The following SPEM2 variants were observed in gnomAD, a reference collection of about 807,000 sequenced individuals.
SPEM2 encodes the protein uncharacterized protein SPEM2.
A neutral mutation model predicts 9.3 loss-of-function variants in SPEM2; 15 were observed. The ratio of observed to expected loss-of-function variants is 1.62; its 90% confidence interval spans 1.08 to 2.50. SPEM2 has a LOEUF of 2.50. Ranked by LOEUF, SPEM2 falls within the 30% of genes most tolerant of loss-of-function variation. SPEM2 has a pLI of 0.00. For missense variants in SPEM2, 678 were observed against 690.0 expected (o/e 0.98, Z 0.19); for synonymous variants, 268 against 272.4 (o/e 0.98, Z 0.16).
Position 7,426,122 on chromosome 17 carries a change from C to A in SPEM2, c.197-66C>A, listed in dbSNP as rs1907585900. 2.5e-6 allele frequency: 4 copies of A among 1,613,544 alleles called. No individual in the cohort carries two copies. The highest frequency in any genetic ancestry group is 1.6e-4 in the Middle Eastern group (1 of 6,084). ...GACAATGGCCCTAGAAACCCAGGCCCCAGTGTTCCCAACCTTGAGCTCTTC... is the reference window on the plus strand; with the variant it reads ...GACAATGGCCCTAGAAACCCAGGCCACAGTGTTCCCAACCTTGAGCTCTTC... On this transcript the variant is annotated intron_variant, in intron 2 of 2. Coordinates refer to ENST00000333870, the MANE Select transcript of SPEM2 (RefSeq NM_175734.5). The surrounding 1 kb of genome is among the most constrained non-coding windows in gnomAD (Gnocchi z 5.3).
At position 7,425,989 on chromosome 17, in the gene SPEM2, C is replaced by G. The variant is rs918836507; in HGVS notation, c.139-4C>G. On this transcript the variant is annotated splice_polypyrimidine_tract_variant and splice_region_variant and intron_variant, in intron 1 of 2. Coordinates refer to ENST00000333870, the MANE Select transcript of SPEM2 (RefSeq NM_175734.5). ...GGCCTTCACTCTCTTCCACCCTGCC[C>G]CAGATGTGGCATGGACTCCAGAACG... 9 of 1,613,998 alleles carry G rather than the reference C, an allele frequency of 5.6e-6. No individual in the cohort carries two copies. In the African/African-American group the frequency reaches 1.2e-4, roughly 22 times the overall value.
In SPEM2 at chr17:7,426,464, TC is replaced by T. The variant is rs1907608580; in HGVS notation, c.475del (p.Arg159ValfsTer89). 1 of 1,613,802 alleles carries T rather than the reference TC, an allele frequency of 6.2e-7. No individual in the cohort carries two copies. Among genetic ancestry groups the T allele is most frequent in the Non-Finnish European group, 8.5e-7 (1 of 1,180,038 alleles). ...YRQIPHSHSV[F>X]RNPHRSQKMS... ...CAAATCCCCCATAGCCACTCAGTCT[TC>T]CGTAACCCACATCGCAGCCAAAAGA... On this transcript the variant is annotated frameshift_variant, in exon 3 of 3. Coordinates refer to ENST00000333870, the MANE Select transcript of SPEM2 (RefSeq NM_175734.5). LOFTEE classifies it low-confidence loss of function (END_TRUNC). This position sits in a 1 kb window ranked among gnomAD's most constrained non-coding sequence, Gnocchi z 5.3.
Position 7,426,415 on chromosome 17 carries a change from C to T in SPEM2, c.424C>T (p.Gln142Ter). ...RRCRRRCCNH[Q>*]QRPQNYRQIP... ...TTGTCGCCGTCGCTGCTGCAACCAC[C>T]AGCAGCGGCCGCAGAACTACAGACA... is the stretch of plus-strand genomic sequence containing the variant. The change falls in exon 3 of 3, where the codon CAG becomes TAG. Residue 142 changes from glutamine (Q) to a stop codon, truncating the protein, a stop_gained. Coordinates refer to ENST00000333870, the MANE Select transcript of SPEM2 (RefSeq NM_175734.5). LOFTEE classifies it low-confidence loss of function (END_TRUNC). The surrounding 1 kb of genome is among the most constrained non-coding windows in gnomAD (Gnocchi z 5.3). 6.2e-7 allele frequency: 1 copy of T among 1,613,730 alleles called. No homozygotes were observed. Among genetic ancestry groups the T allele is most frequent in the Non-Finnish European group, 8.5e-7 (1 of 1,180,026 alleles).
chr17:7,425,641 G>A lies in SPEM2; in HGVS notation c.-48G>A. 1.9e-6 allele frequency: 3 copies of A among 1,591,914 alleles called. No individual in the cohort carries two copies. The highest frequency in any genetic ancestry group is 4.5e-5 in the East Asian group (2 of 44,590). ...AGTGCAGTGTGGGTTGGGGCCGGGG[G>A]TGGGGGGCAGAGGGGGGTGGCCCAG... On this transcript the variant is annotated 5_prime_UTR_variant, in exon 1 of 3. In the 5' UTR this introduces an upstream ATG that the reference lacks. Transcript: ENST00000333870.
rs1907589963 is a variant in SPEM2, at chr17:7,426,222, T to C, written c.231T>C (p.Gly77=). 1 of 1,613,744 alleles carries C rather than the reference T, an allele frequency of 6.2e-7. No individual in the cohort carries two copies. Among genetic ancestry groups the C allele is most frequent in the African/African-American group, 1.3e-5 (1 of 74,944 alleles). Residue 77 remains glycine (G), a synonymous_variant, in exon 3 of 3, where the codon GGT becomes GGC. Coordinates refer to ENST00000333870, the MANE Select transcript of SPEM2 (RefSeq NM_175734.5). This position sits in a 1 kb window ranked among gnomAD's most constrained non-coding sequence, Gnocchi z 5.3. ...AGGCCAGTGAAAGTCCCCCAAGTGGTCCCCCAGACAAGGCTCAGGATGTCC... is the reference window on the plus strand; with the variant it reads ...AGGCCAGTGAAAGTCCCCCAAGTGGCCCCCCAGACAAGGCTCAGGATGTCC... ...EIQASESPPS[G]PPDKAQDVHI...
chr17:7,427,004 G>A lies in SPEM2; in HGVS notation c.1013G>A (p.Gly338Asp). 3 of 1,611,304 alleles carry A rather than the reference G, an allele frequency of 1.9e-6. No homozygotes were observed. The highest frequency in any genetic ancestry group is 2.5e-6 in the Non-Finnish European group (3 of 1,179,840). Residue 338 changes from glycine (G) to aspartate (D), a missense_variant, in exon 3 of 3, where the codon GGC becomes GAC. By Grantham distance (94) the Gly-to-Asp change is moderately conservative (BLOSUM62 -1). Coordinates refer to ENST00000333870, the MANE Select transcript of SPEM2 (RefSeq NM_175734.5). The surrounding 1 kb of genome is among the most constrained non-coding windows in gnomAD (Gnocchi z 5.4). ...CGGAACGCCCGGCCTGAGGCCCAGG[G>A]CTGCCGGGAGCACCACTCCCCACAG... ...VSRNARPEAQ[G>D]CREHHSPQSH... is the part of the protein sequence containing the mutation.
rs1459766254 is a variant in SPEM2 at position 7,427,219 on chromosome 17, G to A, written c.1228G>A (p.Ala410Thr). 7 of 1,614,082 alleles carry A rather than the reference G, an allele frequency of 4.3e-6. No individual in the cohort carries two copies. The African/African-American group carries it at 5.3e-5, about 12-fold the overall frequency. ...TGCCTCCCTCACGGTGTTGGACGAG[G>A]CCTCCCATCAACGGACCCCAGCTCC... ...TSASLTVLDE[A>T]SHQRTPAPSS... is the part of the protein sequence containing the mutation. The change falls in exon 3 of 3, where the codon GCC becomes ACC. Residue 410 changes from alanine (A) to threonine (T), a missense_variant. Coordinates refer to ENST00000333870, the MANE Select transcript of SPEM2 (RefSeq NM_175734.5). The surrounding 1 kb of genome is among the most constrained non-coding windows in gnomAD (Gnocchi z 5.4).
rs1469300945 is a variant in SPEM2 at position 7,426,670 on chromosome 17, G to A, written c.679G>A (p.Ala227Thr). 6.2e-7 allele frequency: 1 copy of A among 1,613,996 alleles called. No individual in the cohort carries two copies. The highest frequency in any genetic ancestry group is 1.1e-5 in the South Asian group (1 of 91,072). The change falls in exon 3 of 3, where the codon GCC becomes ACC. Residue 227 changes from alanine to threonine, a missense_variant. Coordinates refer to ENST00000333870, the MANE Select transcript of SPEM2 (RefSeq NM_175734.5). The surrounding 1 kb of genome is among the most constrained non-coding windows in gnomAD (Gnocchi z 5.3). ...GLWGHQGGIL[A>T]SLPPPSLYLS... Reference sequence around the variant, plus strand: ...GTGGGGCCACCAGGGTGGTATCCTGGCCAGTCTGCCACCACCCTCTCTCTA... The same window carrying A: ...GTGGGGCCACCAGGGTGGTATCCTGACCAGTCTGCCACCACCCTCTCTCTA...
In SPEM2 at chr17:7,427,265, A is replaced by C; in HGVS notation, c.1274A>C (p.His425Pro). ...GCTCCAAGCTCAGTGCTGGTCCCCC[A>C]TTCCTCCCAGCCCTGGCCCAAAGTC... ...TPAPSSVLVPHSSQPWPKVQA... is the reference protein window; with the variant it reads ...TPAPSSVLVPPSSQPWPKVQA... The change falls in exon 3 of 3, where the codon CAT (histidine) becomes CCT (proline). Residue 425 changes from histidine (H) to proline (P), a missense_variant. By Grantham distance (77) the His-to-Pro change is moderately conservative. Coordinates refer to ENST00000333870, the MANE Select transcript of SPEM2 (RefSeq NM_175734.5). The surrounding 1 kb of genome is among the most constrained non-coding windows in gnomAD (Gnocchi z 5.4). 1 of 1,613,996 alleles carries C rather than the reference A, an allele frequency of 6.2e-7. No homozygotes were observed. The highest frequency in any genetic ancestry group is 8.5e-7 in the Non-Finnish European group (1 of 1,179,952).
chr17:7,425,638 G>T lies in SPEM2; in HGVS notation c.-51G>T. On this transcript the variant is annotated 5_prime_UTR_variant, in exon 1 of 3. Transcript: ENST00000333870. Reference sequence around the variant, plus strand: ...ATGAGTGCAGTGTGGGTTGGGGCCGGGGGTGGGGGGCAGAGGGGGGTGGCC... The same window carrying T: ...ATGAGTGCAGTGTGGGTTGGGGCCGTGGGTGGGGGGCAGAGGGGGGTGGCC... 2 of 1,590,376 alleles carry T rather than the reference G, an allele frequency of 1.3e-6. No homozygotes were observed. Among genetic ancestry groups the T allele is most frequent in the Non-Finnish European group, 1.7e-6 (2 of 1,168,072 alleles).
rs759624611 is a variant in SPEM2, at chr17:7,427,044, C to T, written c.1053C>T (p.Ser351=). ...ACTCCCCACAGTCCCACCAGCAGAG[C>T]CTGCTTGGTCACGCCTATGGCCAGT... ...EHHSPQSHQQ[S]LLGHAYGQSH... The change falls in exon 3 of 3, where the codon AGC becomes AGT. Residue 351 remains serine, a synonymous_variant. Transcript: ENST00000333870. The surrounding 1 kb of genome is among the most constrained non-coding windows in gnomAD (Gnocchi z 5.4). 4 of 1,612,398 alleles carry T rather than the reference C, an allele frequency of 2.5e-6. No individual in the cohort carries two copies. The highest frequency in any genetic ancestry group is 2.2e-5 in the South Asian group (2 of 91,068).
Position 7,425,636 on chromosome 17 carries a change from CG to C in SPEM2, c.-48del. ...GCATGAGTGCAGTGTGGGTTGGGGC[CG>C]GGGGTGGGGGGCAGAGGGGGGTGGC... is the stretch of plus-strand genomic sequence containing the variant. On this transcript the variant is annotated 5_prime_UTR_variant, in exon 1 of 3. Coordinates refer to ENST00000333870, the MANE Select transcript of SPEM2 (RefSeq NM_175734.5). The C allele has an allele frequency of 1.4e-6, 2 of 1,391,398 alleles. No homozygotes were observed. Among genetic ancestry groups the C allele is most frequent in the Non-Finnish European group, 9.4e-7 (1 of 1,061,968 alleles). The allele number at this position is 1,391,398 out of a possible 1,614,324, so 86.2% of individuals were successfully genotyped here. A position where few individuals can be genotyped will look rare whatever the true frequency, so the allele number is the denominator to read the frequency against.
chr17:7,426,879 G>T lies in SPEM2; in HGVS notation c.888G>T (p.Gly296=), dbSNP rs748751168. Residue 296 remains glycine (G), a synonymous_variant, in exon 3 of 3, where the codon GGG becomes GGT. Coordinates refer to ENST00000333870, the MANE Select transcript of SPEM2 (RefSeq NM_175734.5). The surrounding 1 kb of genome is among the most constrained non-coding windows in gnomAD (Gnocchi z 5.3). ...LPPNPSWVPV[G]HSPYPSVGWM... Reference sequence around the variant, plus strand: ...CTAACCCCTCTTGGGTCCCCGTGGGGCACAGCCCTTACCCCTCAGTGGGCT... The same window carrying T: ...CTAACCCCTCTTGGGTCCCCGTGGGTCACAGCCCTTACCCCTCAGTGGGCT... 1 of 1,612,980 alleles carries T rather than the reference G, an allele frequency of 6.2e-7. No individual in the cohort carries two copies. Among genetic ancestry groups the T allele is most frequent in the African/African-American group, 1.3e-5 (1 of 74,932 alleles).
chr17:7,426,425 C>T lies in SPEM2; in HGVS notation c.434C>T (p.Pro145Leu), dbSNP rs747792604. 8.1e-6 allele frequency: 13 copies of T among 1,613,634 alleles called. No homozygotes were observed. Among genetic ancestry groups the T allele is most frequent in the South Asian group, 6.6e-5 (6 of 91,092 alleles). The change falls in exon 3 of 3, where the codon CCG becomes CTG. Residue 145 changes from proline (P) to leucine (L), a missense_variant. By Grantham distance (98) the Pro-to-Leu change is moderately conservative. Coordinates refer to ENST00000333870, the MANE Select transcript of SPEM2 (RefSeq NM_175734.5). The surrounding 1 kb of genome is among the most constrained non-coding windows in gnomAD (Gnocchi z 5.3). Reference sequence around the variant, plus strand: ...CGCTGCTGCAACCACCAGCAGCGGCCGCAGAACTACAGACAAATCCCCCAT... The same window carrying T: ...CGCTGCTGCAACCACCAGCAGCGGCTGCAGAACTACAGACAAATCCCCCAT... The part of the protein sequence containing the change: ...RRRCCNHQQR[P>L]QNYRQIPHSH...
In SPEM2 at chr17:7,425,926, G is replaced by A. The variant is rs376834840; in HGVS notation, c.139-67G>A. On this transcript the variant is annotated intron_variant, in intron 1 of 2. Transcript: ENST00000333870. ...ACCTGCAGGTGCGGTCTAGATTGGG[G>A]CGGGGGCAGGGGTGGTGGTGCTGGG... 402 of 1,612,158 alleles carry A rather than the reference G, an allele frequency of 2.5e-4. 1 individual carries two copies. The highest frequency in any genetic ancestry group is 5.0e-5 in the Admixed American group (3 of 60,006).
Position 7,426,388 on chromosome 17 carries a change from C to G in SPEM2, c.397C>G (p.Arg133Gly). The G allele has an allele frequency of 6.2e-7, 1 of 1,613,560 alleles. No individual in the cohort carries two copies. The highest frequency in any genetic ancestry group is 1.1e-5 in the South Asian group (1 of 91,084). The change falls in exon 3 of 3, where the codon CGT becomes GGT. Residue 133 changes from arginine (R) to glycine (G), a missense_variant. Arg to Gly is a moderately radical substitution (Grantham distance 125). Coordinates refer to ENST00000333870, the MANE Select transcript of SPEM2 (RefSeq NM_175734.5). The surrounding 1 kb of genome is among the most constrained non-coding windows in gnomAD (Gnocchi z 5.3). ...TCGTCGCCGCCGCCGCCGCCACCGC[C>G]GTTGTCGCCGTCGCTGCTGCAACCA... is the stretch of plus-strand genomic sequence containing the variant. ...CVRRRRRRHR[R>G]CRRRCCNHQQ...
chr17:7,427,519 T>TG lies in SPEM2; in HGVS notation c.*26dup, dbSNP rs774683450. 6.5e-7 allele frequency: 1 copy of TG among 1,549,132 alleles called. No homozygotes were observed. Among genetic ancestry groups the TG allele is most frequent in the African/African-American group, 1.4e-5 (1 of 73,066 alleles). On this transcript the variant is annotated 3_prime_UTR_variant, in exon 3 of 3. Coordinates refer to ENST00000333870, the MANE Select transcript of SPEM2 (RefSeq NM_175734.5). This position sits in a 1 kb window ranked among gnomAD's most constrained non-coding sequence, Gnocchi z 5.4. ...CTGACCAGCAGGCGGATGTGGGGTG[T>TG]GGGGCAGGGCATGGAGGGAGAGGAA... is the stretch of plus-strand genomic sequence containing the variant.
chr17:7,427,392 G>T lies in SPEM2; in HGVS notation c.1401G>T (p.Lys467Asn), dbSNP rs931755863. ...NYQVYDSLEL[K>N]RQVQKSRARS... ...AGGTGTACGACAGCCTGGAGCTGAA[G>T]CGGCAGGTGCAGAAGAGCAGAGCCA... is the stretch of plus-strand genomic sequence containing the variant. The change falls in exon 3 of 3, where the codon AAG becomes AAT. Residue 467 changes from lysine (K) to asparagine (N), a missense_variant. Lys to Asn is a moderately conservative substitution (Grantham distance 94, BLOSUM62 0). Transcript: ENST00000333870. The surrounding 1 kb of genome is among the most constrained non-coding windows in gnomAD (Gnocchi z 5.4). 3 of 1,613,890 alleles carry T rather than the reference G, an allele frequency of 1.9e-6. No homozygotes were observed. The highest frequency in any genetic ancestry group is 1.7e-5 in the Admixed American group (1 of 60,016).
Position 7,426,426 on chromosome 17 carries a change from G to A in SPEM2, c.435G>A (p.Pro145=), listed in dbSNP as rs372621817. The A allele has an allele frequency of 5.0e-6, 8 of 1,613,720 alleles. No individual in the cohort carries two copies. Among genetic ancestry groups the A allele is most frequent in the South Asian group, 2.2e-5 (2 of 91,088 alleles). The change falls in exon 3 of 3, where the codon CCG becomes CCA. Residue 145 remains proline, a synonymous_variant. Transcript: ENST00000333870. The surrounding 1 kb of genome is among the most constrained non-coding windows in gnomAD (Gnocchi z 5.3). ...RRRCCNHQQR[P]QNYRQIPHSH... is the part of the protein sequence containing the mutation. ...GCTGCTGCAACCACCAGCAGCGGCC[G>A]CAGAACTACAGACAAATCCCCCATA...
Sources: allele counts gnomAD v4.1 joint callset, GRCh38; gene constraint gnomAD v4.1.1; non-coding constraint Gnocchi (gnomAD v3.1); transcripts MANE v1.5; gene names NCBI Gene and HGNC (gene_info 2026-07-23, HGNC 2026-07-21).